Variants in SEMA6D observed in about 807,000 individuals in gnomAD.
SEMA6D encodes the protein semaphorin 6D.
A neutral mutation model predicts 106.6 loss-of-function variants in SEMA6D; 35 were observed. The observed-to-expected ratio is 0.33, with a 90% confidence interval of 0.25 to 0.44. SEMA6D has a LOEUF of 0.44. SEMA6D is among the 20% of genes least tolerant of loss of function. SEMA6D has a pLI of 1.00. For synonymous variants in SEMA6D, 499 were observed against 487.7 expected, an observed-to-expected ratio of 1.02 and a Z score of -0.31; for missense variants, 1,185 against 1,345.9, an observed-to-expected ratio of 0.88 and a Z score of 1.87.
intron 8 of SEMA6D, 50 bp downstream of exon 8, chr15:47,762,369 A>G (rs1251082861): frequency 1.9e-6 from 3 of 1,600,422 alleles, no homozygotes; most frequent in Middle Eastern, 1.7e-4. Flanking sequence ...TGGATGGCCC[A>G]AGTGGGGACA....
intron 1 of SEMA6D, among the ~76,000 whole-genome samples, chr15:47,193,724 T>C (rs1278937870): frequency 2.0e-5 from 3 of 152,172 alleles, no homozygotes; most frequent in Non-Finnish European, 2.9e-5. Flanking sequence ...GTTCCCTTCA[T>C]CTGGGACACT....
At chr15:47,243,758 G>A (rs181372020) in intron 1 of SEMA6D, among the ~76,000 whole-genome samples, 18 of 152,226 alleles carry the variant, frequency 1.2e-4, no homozygotes, top group Admixed American at 7.9e-4. Flanking sequence ...GGAAAAGAAA[G>A]CAATAGATAT....
intron 1 of SEMA6D, among the ~76,000 whole-genome samples, chr15:47,353,463 C>A (rs16959322): frequency 0.2 from 30,269 of 152,070 alleles, 3,646 homozygotes; most frequent in African/African-American, 0.33. Flanking sequence ...TTGCTTTCTA[C>A]CTGGATACCT....
intron 3 of SEMA6D, among the ~76,000 whole-genome samples, chr15:47,587,729 C>T (rs182957498): frequency 3.5e-4 from 54 of 152,126 alleles, no homozygotes; most frequent in African/African-American, 1.3e-3. Context: ...TTTATAAAAA[C>T]AGGTGGTGGG....
At chr15:47,697,983 A>G (rs1464403672) in intron 4 of SEMA6D, among the ~76,000 whole-genome samples, 1 of 152,214 alleles carries the variant, frequency 6.6e-6, no homozygotes, top group Non-Finnish European at 1.5e-5. Context: ...CAGTTTTCCC[A>G]TTAGTAAAAT....
chr15:47,394,219 G>T (rs1003023655), intron 1 of SEMA6D, among the ~76,000 whole-genome samples: 3 of 152,116 alleles, frequency 2.0e-5, no homozygotes, highest in African/African-American at 7.2e-5. Flanking sequence ...GAGGGCATTT[G>T]CTCTGTAATA....
chr15:47,257,798 G>A (rs1334534554), intron 1 of SEMA6D, among the ~76,000 whole-genome samples: 2 of 151,802 alleles, frequency 1.3e-5, no homozygotes, highest in East Asian at 3.9e-4. Context: ...ACTAGATTCT[G>A]TTGTTTGATT....
At chr15:47,443,946 G>A (rs931824981) in intron 2 of SEMA6D, among the ~76,000 whole-genome samples, 8 of 152,058 alleles carry the variant, frequency 5.3e-5, no homozygotes, top group African/African-American at 1.4e-4. Context: ...TGCAAAGGTT[G>A]CTAATAATAA....
chr15:47,766,052 G>T (rs368820468), intron 14 of SEMA6D, 43 bp downstream of exon 14: 2 of 1,612,352 alleles, frequency 1.2e-6, no homozygotes, highest in Non-Finnish European at 1.7e-6. Flanking sequence ...TTGCAGTATC[G>T]AAACCTTTGT....
At chr15:47,601,084 TAG>T (rs534318659) in intron 4 of SEMA6D, among the ~76,000 whole-genome samples, 3 of 150,578 alleles carry the variant, frequency 2.0e-5, no homozygotes, top group Non-Finnish European at 3.0e-5. Flanking sequence ...TTAAGAGAAA[TAG>T]AGAGAGAGAA....
At chr15:47,761,296 T>A in intron 5 of SEMA6D, 34 bp from the exon 6 acceptor site, 1 of 1,609,552 alleles carries the variant, frequency 6.2e-7, no homozygotes, top group Non-Finnish European at 8.5e-7. Context: ...CATGTTCAAA[T>A]GTCTAATATT....
chr15:47,390,784 A>G (rs1386937721), intron 1 of SEMA6D, among the ~76,000 whole-genome samples: 1 of 152,152 alleles, frequency 6.6e-6, no homozygotes, highest in Non-Finnish European at 1.5e-5. Context: ...TAGCATTTAT[A>G]TCAGTTTGTT....
chr15:47,561,337 T>C (rs1163789367), intron 3 of SEMA6D, among the ~76,000 whole-genome samples: 2 of 151,962 alleles, frequency 1.3e-5, no homozygotes, highest in African/African-American at 2.4e-5. Flanking sequence ...ACAACTTCAA[T>C]TGAGAGGAAA....
chr15:47,393,770 T>C (rs1177191382), intron 1 of SEMA6D, among the ~76,000 whole-genome samples: 1 of 152,218 alleles, frequency 6.6e-6, no homozygotes, highest in Admixed American at 6.5e-5. Context: ...CTCATAAATA[T>C]GTTAGAAGTT....
At chr15:47,444,248 A>G (rs1249816386) in intron 2 of SEMA6D, among the ~76,000 whole-genome samples, 2 of 152,158 alleles carry the variant, frequency 1.3e-5, no homozygotes, top group Non-Finnish European at 2.9e-5. Flanking sequence ...AATACAGAGG[A>G]GATTGTGTCC....
At chr15:47,556,295 C>T (rs571161551) in intron 3 of SEMA6D, among the ~76,000 whole-genome samples, 7 of 152,184 alleles carry the variant, frequency 4.6e-5, no homozygotes, top group African/African-American at 7.2e-5. Flanking sequence ...TCCGATTCCC[C>T]GTATGCACCC....
intron 3 of SEMA6D, among the ~76,000 whole-genome samples, chr15:47,472,463 G>C (rs1231691581): frequency 6.6e-6 from 1 of 152,102 alleles, no homozygotes. Context: ...GATATTAAAA[G>C]GGAATTCAAA....
intron 1 of SEMA6D, among the ~76,000 whole-genome samples, chr15:47,377,927 T>C (rs955734976): frequency 1.3e-5 from 2 of 152,200 alleles, no homozygotes; most frequent in Non-Finnish European, 2.9e-5. Flanking sequence ...TCCATGTTTA[T>C]ATTAAAGTTT....
At chr15:47,452,320 C>CAA (rs145049200) in intron 2 of SEMA6D, among the ~76,000 whole-genome samples, 38 of 114,692 alleles carry the variant, frequency 3.3e-4, no homozygotes, top group Non-Finnish European at 4.2e-4. Flanking sequence ...GTTTATCAAC[C>CAA]AAAAAAAAAA....
Sources: allele counts gnomAD v4.1 joint callset (sites outside exome capture counted in the v4.1 genomes callset), GRCh38; gene constraint gnomAD v4.1.1; transcripts MANE v1.5; gene names NCBI Gene and HGNC (gene_info 2026-07-23, HGNC 2026-07-21).